PDLIM4: variants seen among roughly 807,000 people sequenced by gnomAD.
The protein encoded by PDLIM4 is PDZ and LIM domain 4, also known as PDZ and LIM domain protein 4.
Under a neutral mutation model 31.3 loss-of-function variants are expected in PDLIM4, and 19 were observed. The ratio of observed to expected loss-of-function variants is 0.61; its 90% CI spans 0.42 to 0.89. The LOEUF (loss-of-function observed/expected upper bound fraction) is 0.89, where lower values mean the gene tolerates loss of function less well. PDLIM4 is among the 40% of genes least tolerant of loss of function. The pLI is 0.00. For synonymous variants in PDLIM4, 176 were observed against 190.1 expected, an observed-to-expected ratio of 0.93 and a Z score of 0.61; for missense variants, 442 against 461.1, an observed-to-expected ratio of 0.96 and a Z score of 0.38.
chr5:132,269,236 T>C (rs1367956489), intron 3 of PDLIM4, among the ~76,000 whole-genome samples: 4 of 151,900 alleles, frequency 2.6e-5, no homozygotes, highest in African/African-American at 4.8e-5. Flanking sequence ...CTGATGGCCC[T>C]GCAGTGGACC....
chr5:132,271,636 C>T (rs563382032), intron 5 of PDLIM4, 155 bp from the exon 6 acceptor site: 24 of 925,150 alleles, frequency 2.6e-5, no homozygotes, highest in Middle Eastern at 4.2e-4. Context: ...CCGATTCCCT[C>T]TCCACCCCCT....
intron 1 of PDLIM4, among the ~76,000 whole-genome samples, chr5:132,258,324 C>T (rs1421448780): frequency 1.3e-5 from 2 of 152,222 alleles, no homozygotes; most frequent in Admixed American, 6.5e-5. Flanking sequence ...CCACTTTGGG[C>T]GTGAGTCAGT....
Position 132,257,759 on chromosome 5 carries a change from G to T in PDLIM4, c.25G>T (p.Gly9Trp), listed in dbSNP as rs761240899. 24 of 1,498,472 alleles carry T rather than the reference G, an allele frequency of 1.6e-5. No individual in the cohort carries two copies. The highest frequency in any genetic ancestry group is 2.0e-5 in the Non-Finnish European group (23 of 1,129,034). The allele number at this position is 1,498,472 out of a possible 1,614,324, so 92.8% of individuals were successfully genotyped here. ...GATGCCCCATTCCGTGACCCTGCGC[G>T]GGCCTTCGCCCTGGGGCTTCCGCCT... Reference protein sequence around the residue: MPHSVTLRGPSPWGFRLVG... With the variant: MPHSVTLRWPSPWGFRLVG... The change falls in exon 1 of 7, where the codon GGG becomes TGG. Residue 9 changes from glycine (G) to tryptophan (W), a missense_variant. Coordinates refer to ENST00000253754, the MANE Select transcript of PDLIM4 (RefSeq NM_003687.4). The surrounding 1 kb of genome is among the most constrained non-coding windows in gnomAD (Gnocchi z 4.3).
intron 1 of PDLIM4, among the ~76,000 whole-genome samples, chr5:132,259,762 G>A (rs1756333867): frequency 6.6e-6 from 1 of 152,184 alleles, no homozygotes; most frequent in African/African-American, 2.4e-5. Context: ...GAGGCTATCG[G>A]CCCGGCAGGG....
chr5:132,272,715 G>T lies in PDLIM4; in HGVS notation c.*486G>T, dbSNP rs1311155137. The T allele has an allele frequency of 9.7e-6, 2 of 205,498 alleles. No individual in the cohort carries two copies. Among genetic ancestry groups the T allele is most frequent in the African/African-American group, 2.3e-5 (1 of 43,812 alleles). 12.7% of individuals were successfully genotyped at this position (205,498 alleles called of 1,614,324 possible). ...GGCCGTCATCGGCACTAGCGGGTTG[G>T]GGGTGGTGGTGGGGTGCTGGCAGCC... On this transcript the variant is annotated 3_prime_UTR_variant, in exon 7 of 7. Transcript: ENST00000253754.
intron 3 of PDLIM4, among the ~76,000 whole-genome samples, chr5:132,267,960 G>A (rs1561522478): frequency 6.6e-6 from 1 of 152,206 alleles, no homozygotes; most frequent in African/African-American, 2.4e-5. Flanking sequence ...GCAGCAGGGT[G>A]TGGGCCTCAA....
intron 3 of PDLIM4, chr5:132,270,594 C>T (rs1291217128): frequency 2.3e-6 from 1 of 436,288 alleles, no homozygotes. Context: ...ATAGGCCTGC[C>T]CCAGTACTGT....
chr5:132,261,249 C>A (rs1756366835), intron 1 of PDLIM4, among the ~76,000 whole-genome samples: 1 of 152,176 alleles, frequency 6.6e-6, no homozygotes, highest in African/African-American at 2.4e-5. Context: ...CACAGGTGCC[C>A]AGGCCCTACA....
chr5:132,272,010 C>A lies in PDLIM4; in HGVS notation c.789-15C>A. 1.9e-6 allele frequency: 3 copies of A among 1,612,656 alleles called. No homozygotes were observed. Among genetic ancestry groups the A allele is most frequent in the Non-Finnish European group, 2.5e-6 (3 of 1,178,642 alleles). On this transcript the variant is annotated splice_polypyrimidine_tract_variant and intron_variant, in intron 6 of 6. Coordinates refer to ENST00000253754, the MANE Select transcript of PDLIM4 (RefSeq NM_003687.4). ...TCAGTCACTCGACGCTGTCCTGTCT[C>A]GTTCCCCCCATCAGGGGCACCATCG...
In PDLIM4 at chr5:132,271,285, T is replaced by C. The variant is rs768347958; in HGVS notation, c.507-18T>C. The C allele has an allele frequency of 6.3e-7, 1 of 1,583,212 alleles. No individual in the cohort carries two copies. The highest frequency in any genetic ancestry group is 1.7e-5 in the Admixed American group (1 of 58,664). ...TGGAACTGCATCCCTTCCTCCTCTATTTCTTTCTCCCTCCCAGCGCTGACC... is the reference window on the plus strand; with the variant it reads ...TGGAACTGCATCCCTTCCTCCTCTACTTCTTTCTCCCTCCCAGCGCTGACC... On this transcript the variant is annotated intron_variant, in intron 4 of 6. Transcript: ENST00000253754.
chr5:132,272,493 G>T lies in PDLIM4; in HGVS notation c.*264G>T, dbSNP rs975422512. ...GGGGCCACAGCCTGGGTGGAAGGCAGACCTGAATCACAACGGGCCAGCTCT... is the reference window on the plus strand; with the variant it reads ...GGGGCCACAGCCTGGGTGGAAGGCATACCTGAATCACAACGGGCCAGCTCT... On this transcript the variant is annotated 3_prime_UTR_variant, in exon 7 of 7. Coordinates refer to ENST00000253754, the MANE Select transcript of PDLIM4 (RefSeq NM_003687.4). The T allele has an allele frequency of 2.6e-5, 14 of 537,122 alleles. No homozygotes were observed. The Admixed American group carries it at 2.8e-4, about 11-fold the overall frequency. 33.3% of individuals were successfully genotyped at this position (537,122 alleles called of 1,614,324 possible). A position where few individuals can be genotyped will look rare whatever the true frequency, so the allele number is the denominator to read the frequency against.
At position 132,273,149 on chromosome 5, in the gene PDLIM4, T is replaced by C. The variant is rs1048998661; in HGVS notation, c.*920T>C. On this transcript the variant is annotated 3_prime_UTR_variant, in exon 7 of 7. Transcript: ENST00000253754. ...CCCGGCTGCACACATCGTCTGTGAA[T>C]TGTGGCTGTTCACTCCCGAGGATGT... The C allele has an allele frequency of 3.3e-5, 5 of 152,446 alleles. No individual in the cohort carries two copies. Among genetic ancestry groups the C allele is most frequent in the African/African-American group, 1.2e-4 (5 of 41,562 alleles). 9.4% of individuals were successfully genotyped at this position (152,446 alleles called of 1,614,324 possible). A position where few individuals can be genotyped will look rare whatever the true frequency, so the allele number is the denominator to read the frequency against.
chr5:132,259,581 A>G (rs566246493), intron 1 of PDLIM4, among the ~76,000 whole-genome samples: 1 of 152,224 alleles, frequency 6.6e-6, no homozygotes, highest in East Asian at 1.9e-4. Context: ...AGCGCTGGGG[A>G]GGCACAGGCC....
Position 132,271,552 on chromosome 5 carries a change from G to A in PDLIM4, c.670+86G>A, listed in dbSNP as rs765161721. On this transcript the variant is annotated intron_variant, in intron 5 of 6. Transcript: ENST00000253754. ...CCCTAGCGACCCCACGTCCCGCCTC[G>A]CAGTCACCTGCCCTCTTCGGTCTCT... 2.3e-5 allele frequency: 31 copies of A among 1,359,468 alleles called. No homozygotes were observed. In the South Asian group the frequency reaches 2.4e-4, roughly 10 times the overall value. 84.2% of individuals were successfully genotyped at this position (1,359,468 alleles called of 1,614,324 possible).
intron 4 of PDLIM4, 104 bp from the exon 5 acceptor site, chr5:132,271,199 C>T: frequency 6.7e-7 from 1 of 1,494,156 alleles, no homozygotes. Flanking sequence ...ATCCTTGGGT[C>T]TTAGCTGGTT....
At chr5:132,266,422 C>T (rs374525607) in intron 2 of PDLIM4, 42 bp from the exon 3 acceptor site, 17 of 1,350,636 alleles carry the variant, frequency 1.3e-5, no homozygotes, top group South Asian at 4.7e-5. Context: ...GCATGGTGGG[C>T]GTGGTAGGAG....
intron 2 of PDLIM4, among the ~76,000 whole-genome samples, chr5:132,265,717 C>A (rs1034547100): frequency 4.5e-4 from 69 of 152,320 alleles, no homozygotes; most frequent in African/African-American, 1.6e-3. Flanking sequence ...ACCAGCCTCA[C>A]CTCATACCCA....
At chr5:132,263,874 C>T (rs1756431329) in intron 2 of PDLIM4, among the ~76,000 whole-genome samples, 1 of 152,202 alleles carries the variant, frequency 6.6e-6, no homozygotes, top group Admixed American at 6.5e-5. Flanking sequence ...TGGAGTTCAG[C>T]AAAGCTGGTC....
At position 132,271,430 on chromosome 5, in the gene PDLIM4, C is replaced by T. The variant is rs1457605452; in HGVS notation, c.634C>T (p.Arg212Cys). Residue 212 changes from arginine (R) to cysteine (C), a missense_variant, in exon 5 of 7, where the codon CGC becomes TGC. Physicochemically the swap from Arg to Cys is radical, Grantham distance 180. Coordinates refer to ENST00000253754, the MANE Select transcript of PDLIM4 (RefSeq NM_003687.4). ...AAEPKQSGSF[R>C]YLQGMLEAGE... is the part of the protein sequence containing the mutation. ...GGAGCCCAAGCAGTCAGGCTCCTTC[C>T]GCTACTTGCAGGGCATGCTAGAGGC... is the stretch of plus-strand genomic sequence containing the variant. 3.7e-6 allele frequency: 6 copies of T among 1,609,220 alleles called. No individual in the cohort carries two copies. Among genetic ancestry groups the T allele is most frequent in the East Asian group, 2.2e-5 (1 of 44,870 alleles).
Sources: gnomAD v4.1 joint callset for allele counts (sites outside exome capture counted in the v4.1 genomes callset) on GRCh38, gnomAD v4.1.1 for gene constraint, Gnocchi (gnomAD v3.1) non-coding constraint, MANE v1.5 for transcripts, NCBI Gene and HGNC (gene_info 2026-07-23, HGNC 2026-07-21) for gene names.